Variants in ARHGEF28 observed in about 807,000 individuals in gnomAD.
ARHGEF28 encodes Rho guanine nucleotide exchange factor 28.
Under a neutral mutation model 206.6 loss-of-function variants are expected in ARHGEF28, and 152 were observed. That is an observed-to-expected ratio of 0.74 (90% CI 0.64 to 0.84). ARHGEF28 has a LOEUF of 0.84. Ranked by LOEUF, ARHGEF28 falls within the 40% of genes least tolerant of loss-of-function variation. The probability of loss-of-function intolerance (pLI) is 0.00; values close to 1 mark genes in which losing one functional copy is unlikely to be tolerated. For synonymous variants in ARHGEF28, 763 were observed against 776.4 expected (o/e 0.98, Z 0.29); for missense variants, 2,028 against 2,073.2 (o/e 0.98, Z 0.42).
intron 10 of ARHGEF28, among the ~76,000 whole-genome samples, chr5:73,839,252 A>T (rs948468105): frequency 3.3e-5 from 5 of 152,286 alleles, no homozygotes; most frequent in East Asian, 1.9e-4. Context: ...GTTTTTAAAA[A>T]ATTATTAAGT....
intron 1 of ARHGEF28, among the ~76,000 whole-genome samples, chr5:73,639,284 A>G (rs1242535309): frequency 6.7e-6 from 1 of 150,180 alleles, no homozygotes; most frequent in Non-Finnish European, 1.5e-5. Context: ...AGCATGAGCT[A>G]TCTTGAAATA....
At chr5:73,765,909 T>C (rs1056435574) in intron 4 of ARHGEF28, among the ~76,000 whole-genome samples, 1 of 152,176 alleles carries the variant, frequency 6.6e-6, no homozygotes, top group Non-Finnish European at 1.5e-5. Flanking sequence ...TCCCAGCACT[T>C]TGGGAGGCCG....
At chr5:73,729,652 C>T (rs1000699758) in intron 2 of ARHGEF28, among the ~76,000 whole-genome samples, 8 of 152,156 alleles carry the variant, frequency 5.3e-5, no homozygotes, top group Non-Finnish European at 1.2e-4. Context: ...TTTATTTAGT[C>T]ACCGATCACA....
chr5:73,936,828 A>G lies in ARHGEF28; in HGVS notation c.4949-4016A>G, dbSNP rs980052337. Reference sequence around the variant, plus strand: ...AGTGATCCTCCTGCCTTGGCTCCGCAAAGTGCTGAGATTACAGGCGTGAAC... The same window carrying G: ...AGTGATCCTCCTGCCTTGGCTCCGCGAAGTGCTGAGATTACAGGCGTGAAC... On this transcript the variant is annotated intron_variant, in intron 35 of 35. Coordinates refer to ENST00000513042, the MANE Select transcript of ARHGEF28 (RefSeq NM_001177693.2). Among the ~76,000 whole-genome samples, 11 of 152,294 alleles carry G rather than the reference A, an allele frequency of 7.2e-5. No individual in the cohort carries two copies. In the South Asian group the frequency reaches 1.5e-3, roughly 20 times the overall value.
intron 11 of ARHGEF28, among the ~76,000 whole-genome samples, chr5:73,844,494 G>C (rs1028670144): frequency 1.3e-5 from 2 of 151,990 alleles, no homozygotes; most frequent in Non-Finnish European, 2.9e-5. Flanking sequence ...TAGAGGCATA[G>C]TAGAATAAGA....
At chr5:73,868,467 A>G (rs1305110921) in intron 20 of ARHGEF28, among the ~76,000 whole-genome samples, 1 of 152,228 alleles carries the variant, frequency 6.6e-6, no homozygotes, top group Non-Finnish European at 1.5e-5. Context: ...TTACTAAAAG[A>G]ATGTCACAAG....
At chr5:73,737,895 G>A (rs1580546896) in intron 2 of ARHGEF28, among the ~76,000 whole-genome samples, 1 of 152,082 alleles carries the variant, frequency 6.6e-6, no homozygotes, top group African/African-American at 2.4e-5. Flanking sequence ...CTTTCCACGT[G>A]CCCTGCTTCT....
intron 4 of ARHGEF28, among the ~76,000 whole-genome samples, chr5:73,771,020 T>A (rs1023805574): frequency 5.9e-5 from 9 of 152,140 alleles, no homozygotes; most frequent in Non-Finnish European, 1.3e-4. Flanking sequence ...TTGAATACAG[T>A]GAAATACACT....
intron 1 of ARHGEF28, among the ~76,000 whole-genome samples, chr5:73,632,703 T>C (rs1270236270): frequency 2.0e-5 from 3 of 152,222 alleles, no homozygotes; most frequent in Non-Finnish European, 4.4e-5. Flanking sequence ...TTAAGTGACA[T>C]GATTTTGAAT....
At chr5:73,691,880 T>C (rs1486517561) in intron 2 of ARHGEF28, among the ~76,000 whole-genome samples, 1 of 152,228 alleles carries the variant, frequency 6.6e-6, no homozygotes, top group Non-Finnish European at 1.5e-5. Flanking sequence ...ATCCTGTCCA[T>C]ATGTCCTTAT....
chr5:73,871,231 C>A (rs1352201), intron 21 of ARHGEF28, among the ~76,000 whole-genome samples: 38,751 of 151,982 alleles, frequency 0.25, 5,380 homozygotes, highest in Admixed American at 0.36. Context: ...CATTCCAGGG[C>A]AAATTCTTTA....
chr5:73,840,360 C>T, intron 10 of ARHGEF28, 120 bp from the exon 11 acceptor site: 1 of 922,344 alleles, frequency 1.1e-6, no homozygotes, highest in Non-Finnish European at 1.6e-6. Flanking sequence ...AGTGATCTGC[C>T]AGCCTCGGCC....
At chr5:73,765,830 T>C (rs887541343) in intron 4 of ARHGEF28, among the ~76,000 whole-genome samples, 2 of 152,094 alleles carry the variant, frequency 1.3e-5, no homozygotes, top group Non-Finnish European at 2.9e-5. Context: ...TTGAATTTAA[T>C]GTGAATCAAA....
At chr5:73,715,780 C>A (rs546868023) in intron 2 of ARHGEF28, among the ~76,000 whole-genome samples, 2 of 152,302 alleles carry the variant, frequency 1.3e-5, no homozygotes, top group Admixed American at 6.5e-5. Flanking sequence ...CATATTTAAC[C>A]ATTCATGGAA....
intron 2 of ARHGEF28, among the ~76,000 whole-genome samples, chr5:73,713,215 C>T (rs920860920): frequency 3.3e-5 from 5 of 152,172 alleles, no homozygotes; most frequent in Admixed American, 6.5e-5. Context: ...CCTGGTGGAA[C>T]GTATTTCCCA....
chr5:73,641,031 T>A (rs1208856462), intron 1 of ARHGEF28, among the ~76,000 whole-genome samples: 1 of 152,172 alleles, frequency 6.6e-6, no homozygotes. Flanking sequence ...AAGAGGCTGT[T>A]GTGTAGAAGG....
chr5:73,678,951 C>T (rs565284069), intron 1 of ARHGEF28, among the ~76,000 whole-genome samples: 24 of 152,312 alleles, frequency 1.6e-4, no homozygotes, highest in African/African-American at 5.8e-4. Flanking sequence ...TGCAGTGGCA[C>T]GATCATACCT....
chr5:73,843,074 A>G (rs1758086431), intron 11 of ARHGEF28, among the ~76,000 whole-genome samples: 1 of 152,038 alleles, frequency 6.6e-6, no homozygotes, highest in African/African-American at 2.4e-5. Context: ...TTCTAGGAAT[A>G]TAGCATGGAA....
intron 1 of ARHGEF28, among the ~76,000 whole-genome samples, chr5:73,630,439 C>T (rs927703904): frequency 1.3e-5 from 2 of 152,176 alleles, no homozygotes; most frequent in East Asian, 3.8e-4. Context: ...ATAATAGTAA[C>T]CTGCTTCAAC....
Sources: allele counts gnomAD v4.1 joint callset (sites outside exome capture counted in the v4.1 genomes callset), GRCh38; gene constraint gnomAD v4.1.1; transcripts MANE v1.5; gene names NCBI Gene and HGNC (gene_info 2026-07-23, HGNC 2026-07-21).